Variants in ABR observed in about 807,000 individuals in gnomAD.
ABR encodes the protein ABR activator of RhoGEF and GTPase, also known as active breakpoint cluster region-related protein.
A neutral mutation model predicts 107.2 loss-of-function variants in ABR; 35 were observed. The ratio of observed to expected loss-of-function variants is 0.33; its 90% confidence interval spans 0.25 to 0.43. The LOEUF (loss-of-function observed/expected upper bound fraction) is 0.43. Among genes scored for constraint, ABR ranks in the 20% least tolerant of loss-of-function variants. The probability of loss-of-function intolerance (pLI) is 1.00; values close to 1 mark genes in which losing one functional copy is unlikely to be tolerated. For missense variants in ABR, 815 were observed against 1,115.2 expected, an observed-to-expected ratio of 0.73 and a Z score of 3.83; for synonymous variants, 498 against 462.0, an observed-to-expected ratio of 1.08 and a Z score of -1.00.
chr17:1,140,523 C>CA (rs2040245468), intron 1 of ABR, among the ~76,000 whole-genome samples: 1 of 152,174 alleles, frequency 6.6e-6, no homozygotes, highest in Non-Finnish European at 1.5e-5. Flanking sequence ...GGCTCAGATA[C>CA]AAAATCTACC....
At chr17:1,105,495 G>A (rs561151817) in intron 2 of ABR, among the ~76,000 whole-genome samples, 1 of 152,150 alleles carries the variant, frequency 6.6e-6, no homozygotes, top group Non-Finnish European at 1.5e-5. Flanking sequence ...CATCCAAATG[G>A]GGGATACAGG....
intron 6 of ABR, among the ~76,000 whole-genome samples, chr17:1,074,807 G>GT (rs1436396285): frequency 6.6e-6 from 1 of 152,206 alleles, no homozygotes; most frequent in Non-Finnish European, 1.5e-5. Context: ...TTAGCCAGGC[G>GT]TGGTGGCACA....
chr17:1,061,806 CA>C (rs1413229751), intron 10 of ABR, among the ~76,000 whole-genome samples: 1 of 152,196 alleles, frequency 6.6e-6, no homozygotes, highest in Non-Finnish European at 1.5e-5. Context: ...CTCAGCCTCC[CA>C]AAGTACTGGG....
intron 1 of ABR, among the ~76,000 whole-genome samples, chr17:1,222,812 G>C (rs1029612153): frequency 6.6e-6 from 1 of 152,104 alleles, no homozygotes; most frequent in Non-Finnish European, 1.5e-5. Context: ...GGGAGGCTGA[G>C]GTGGGAGGAT....
At chr17:1,061,871 G>C (rs527842133) in intron 10 of ABR, among the ~76,000 whole-genome samples, 1 of 152,146 alleles carries the variant, frequency 6.6e-6, no homozygotes. Flanking sequence ...TCTACGTGTC[G>C]AATATGAGGA....
chr17:1,197,546 AT>A (rs2042592398), intron 1 of ABR, among the ~76,000 whole-genome samples: 1 of 151,262 alleles, frequency 6.6e-6, no homozygotes, highest in Admixed American at 6.6e-5. Context: ...CTAGACACTC[AT>A]TGCCCAAACC....
chr17:1,130,905 G>A (rs2039794190), intron 1 of ABR, among the ~76,000 whole-genome samples: 1 of 152,194 alleles, frequency 6.6e-6, no homozygotes, highest in Admixed American at 6.5e-5. Context: ...CCTGGGGAGG[G>A]GCTGGGACTT....
intron 5 of ABR, 67 bp downstream of exon 5, chr17:1,083,453 A>C: frequency 8.5e-7 from 1 of 1,180,538 alleles, no homozygotes. Flanking sequence ...GGGAGGGGAG[A>C]CCAAGGGCTC....
rs753890821 is a variant in ABR at position 1,125,348 on chromosome 17, G to A, written c.81C>T (p.Asp27=). 1.2e-5 allele frequency: 20 copies of A among 1,613,560 alleles called. No homozygotes were observed. In the East Asian group the frequency reaches 2.2e-4, roughly 18 times the overall value. ...CCTCATTCCCCTCTCCGTCGTACTC[G>A]TCCGTCCCGTAGCTGAAGTCTGAGA... ...TLYSNFSYGT[D]EYDGEGNEEQ... The change falls in exon 2 of 23, where the codon GAC becomes GAT. Residue 27 remains aspartate (D), a synonymous_variant. Coordinates refer to ENST00000302538, the MANE Select transcript of ABR (RefSeq NM_021962.5).
intron 1 of ABR, among the ~76,000 whole-genome samples, chr17:1,196,382 A>G (rs916398000): frequency 2.0e-5 from 3 of 152,184 alleles, no homozygotes; most frequent in Non-Finnish European, 2.9e-5. Context: ...GTGAGCTGAC[A>G]TCACACCACT....
chr17:1,085,293 T>A (rs765982459), intron 4 of ABR, among the ~76,000 whole-genome samples: 2 of 151,088 alleles, frequency 1.3e-5, no homozygotes, highest in Non-Finnish European at 2.9e-5. Context: ...TTTGTATTTT[T>A]TTTTAGTAGA....
At chr17:1,068,264 G>A (rs527240961) in intron 9 of ABR, among the ~76,000 whole-genome samples, 36 of 152,318 alleles carry the variant, frequency 2.4e-4, no homozygotes, top group African/African-American at 8.4e-4. Context: ...CATAATCATC[G>A]ATCCTTCCCC....
intron 13 of ABR, among the ~76,000 whole-genome samples, 199 bp from the exon 14 acceptor site, chr17:1,056,308 C>T (rs539336658): frequency 6.6e-6 from 1 of 152,196 alleles, no homozygotes; most frequent in South Asian, 2.1e-4. Context: ...GCTAGGGGGT[C>T]CTTCTCTCCT....
intron 10 of ABR, among the ~76,000 whole-genome samples, chr17:1,064,749 C>T (rs1259235941): frequency 2.3e-5 from 3 of 133,332 alleles, no homozygotes; most frequent in Admixed American, 7.6e-5. Flanking sequence ...TTCCTCTAGA[C>T]ACTGTTGTTA....
At position 1,051,208 on chromosome 17, in the gene ABR, C is replaced by T. The variant is rs2032469418; in HGVS notation, c.1562-574G>A. On this transcript the variant is annotated intron_variant, in intron 14 of 22. Coordinates refer to ENST00000302538, the MANE Select transcript of ABR (RefSeq NM_021962.5). The surrounding 1 kb of genome is among the most constrained non-coding windows in gnomAD (Gnocchi z 4.3). ...AAGCCCAGGGTGCTGTGGTTTCCTC[C>T]GCTGCACTTAACATAAACCAAAGGG... is the stretch of plus-strand genomic sequence containing the variant. 2.0e-5 allele frequency among the ~76,000 whole-genome samples: 3 copies of T among 152,280 alleles called. No homozygotes were observed. Among genetic ancestry groups the T allele is most frequent in the South Asian group, 4.1e-4 (2 of 4,830 alleles).
chr17:1,178,828 TAGCAACGGAGCAGG>T (rs1382175125), intron 1 of ABR, among the ~76,000 whole-genome samples: 1 of 124,316 alleles, frequency 8.0e-6, no homozygotes, highest in East Asian at 2.3e-4. Context: ...GGTGCCTTTC[TAGCAACGGAGCAGG>T]AGCAAGGTGC....
intron 16 of ABR, among the ~76,000 whole-genome samples, chr17:1,042,516 C>CGGAT (rs1491043636): frequency 6.6e-6 from 1 of 151,670 alleles, no homozygotes; most frequent in South Asian, 2.1e-4. Context: ...CATCCACGGA[C>CGGAT]GGATGGATAA....
In ABR at chr17:1,013,384, C is replaced by T. The variant is rs113081173; in HGVS notation, c.1792-220G>A. Among the ~76,000 whole-genome samples the T allele has an allele frequency of 7.9e-5, 12 of 152,140 alleles. No homozygotes were observed. The East Asian group carries it at 1.2e-3, about 15-fold the overall frequency. On this transcript the variant is annotated intron_variant, in intron 16 of 22. Coordinates refer to ENST00000302538, the MANE Select transcript of ABR (RefSeq NM_021962.5). ...GGGAGGCAGGGCACACCCTGTTACC[C>T]GCCGTGGGGGAGGCAGGGCACACCC...
rs147956385 is a variant in ABR, at chr17:1,018,256, A to C, written c.1792-5092T>G. ...ACGGGGTTTCACCGTGTTAGCCAGG[A>C]TGGTCTTGATCTCCTGACCTCGTGA... On this transcript the variant is annotated intron_variant, in intron 16 of 22. Coordinates refer to ENST00000302538, the MANE Select transcript of ABR (RefSeq NM_021962.5). 1.3e-4 allele frequency among the ~76,000 whole-genome samples: 19 copies of C among 150,824 alleles called. No individual in the cohort carries two copies. The East Asian group carries it at 2.0e-3, about 16-fold the overall frequency.
Sources: gnomAD v4.1 joint callset for allele counts (sites outside exome capture counted in the v4.1 genomes callset) on GRCh38, gnomAD v4.1.1 for gene constraint, Gnocchi (gnomAD v3.1) non-coding constraint, MANE v1.5 for transcripts, NCBI Gene and HGNC (gene_info 2026-07-23, HGNC 2026-07-21) for gene names.